Variants in JUP observed in about 807,000 individuals in gnomAD.
JUP encodes the protein junction plakoglobin.
JUP carries 28 observed loss-of-function variants against 71.1 expected under a neutral mutation model. The observed-to-expected ratio is 0.39, with a 90% CI of 0.29 to 0.54. The LOEUF (loss-of-function observed/expected upper bound fraction) is 0.54, where lower values mean the gene tolerates loss of function less well. JUP is among the 20% of genes least tolerant of loss of function. The pLI, the probability that JUP is intolerant of heterozygous loss-of-function variation, is 0.62. For missense variants in JUP, 869 were observed against 1,030.1 expected, an observed-to-expected ratio of 0.84 and a Z score of 2.14; for synonymous variants, 401 against 438.9, an observed-to-expected ratio of 0.91 and a Z score of 1.08.
intron 5 of JUP, among the ~76,000 whole-genome samples, 193 bp from the exon 6 acceptor site, chr17:41,765,260 T>G (rs1237556520): frequency 6.6e-6 from 1 of 152,146 alleles, no homozygotes; most frequent in Non-Finnish European, 1.5e-5. Context: ...GGTCTAGAAC[T>G]CCTGGCCTCA....
chr17:41,757,510 G>T lies in JUP; in HGVS notation c.1951C>A (p.Arg651Ser). Reference sequence around the variant, plus strand: ...TCTGGGTTCTTGTCCTCGGAGATGCGGAACAGGACGGCAGCAGCGTAGGTG... The same window carrying T: ...TCTGGGTTCTTGTCCTCGGAGATGCTGAACAGGACGGCAGCAGCGTAGGTG... ...TATYAAAVLF[R>S]ISEDKNPDYR... The change falls in exon 12 of 14, where the codon CGC becomes AGC. Residue 651 changes from arginine to serine, a missense_variant. Coordinates refer to ENST00000393931, the MANE Select transcript of JUP (RefSeq NM_002230.4). 1 of 1,614,170 alleles carries T rather than the reference G, an allele frequency of 6.2e-7. No individual in the cohort carries two copies. The highest frequency in any genetic ancestry group is 8.5e-7 in the Non-Finnish European group (1 of 1,180,022).
rs376060530 is a variant in JUP, at chr17:41,772,882, T to G, written c.-8-1020A>C. ...GGAGGTGAACTTCCCGCTTGGTCTGTGTTTGGCTCCACTGTCCTGGGAACT... is the reference window on the plus strand; with the variant it reads ...GGAGGTGAACTTCCCGCTTGGTCTGGGTTTGGCTCCACTGTCCTGGGAACT... On this transcript the variant is annotated intron_variant, in intron 1 of 13. Transcript: ENST00000393931. The G allele has an allele frequency of 1.0e-5, 10 of 985,358 alleles. No individual in the cohort carries two copies. The African/African-American group carries it at 1.4e-4, about 14-fold the overall frequency. The allele number at this position is 985,358 out of a possible 1,614,324, so 61.0% of individuals were successfully genotyped here. A position where few individuals can be genotyped will look rare whatever the true frequency, so the allele number is the denominator to read the frequency against.
intron 1 of JUP, among the ~76,000 whole-genome samples, chr17:41,782,514 C>T (rs1346398461): frequency 1.3e-5 from 2 of 152,146 alleles, no homozygotes; most frequent in South Asian, 2.1e-4. Context: ...CATGAACAAG[C>T]CCAGAACAGC....
intron 7 of JUP, among the ~76,000 whole-genome samples, 172 bp downstream of exon 7, chr17:41,764,541 A>AAAAG (rs1915388446): frequency 6.7e-6 from 1 of 149,462 alleles, no homozygotes; most frequent in East Asian, 1.9e-4. Context: ...TCAGAAAAAA[A>AAAAG]AAAAAAAAAA....
rs999968873 is a variant in JUP, at chr17:41,779,519, G to A, written c.-9+7069C>T. Among the ~76,000 whole-genome samples, 17 of 151,776 alleles carry A rather than the reference G, an allele frequency of 1.1e-4. No individual in the cohort carries two copies. The East Asian group carries it at 3.0e-3, about 27-fold the overall frequency. ...ATTCTTTGTATTTTTTAGTAGAGAC[G>A]GGGTTTCACCATGTTAGCCAGGATG... On this transcript the variant is annotated intron_variant, in intron 1 of 13. Transcript: ENST00000393931.
intron 2 of JUP, 78 bp downstream of exon 2, chr17:41,771,569 T>G: frequency 4.5e-6 from 6 of 1,338,158 alleles, no homozygotes; most frequent in Non-Finnish European, 6.4e-6. Context: ...CCCTACAATC[T>G]GCCTCCTTTC....
intron 1 of JUP, among the ~76,000 whole-genome samples, chr17:41,783,051 C>T (rs1463465590): frequency 1.3e-5 from 2 of 150,916 alleles, no homozygotes; most frequent in Non-Finnish European, 2.9e-5. Context: ...GAGCCGAGAT[C>T]GCGCCACTGC....
intron 8 of JUP, among the ~76,000 whole-genome samples, chr17:41,761,346 AG>A (rs1555601124): frequency 6.6e-6 from 1 of 152,164 alleles, no homozygotes; most frequent in African/African-American, 2.4e-5. Flanking sequence ...GGGTGTGAGC[AG>A]GAGTGATGTG....
intron 1 of JUP, among the ~76,000 whole-genome samples, chr17:41,782,570 CCT>C (rs202244601): frequency 0.015 from 2,326 of 152,182 alleles, 34 homozygotes; most frequent in Non-Finnish European, 0.02. Flanking sequence ...AGCTTTGACC[CCT>C]GCCTCCTCTT....
At chr17:41,780,636 AG>A (rs1555610031) in intron 1 of JUP, among the ~76,000 whole-genome samples, 2 of 151,986 alleles carry the variant, frequency 1.3e-5, no homozygotes, top group Non-Finnish European at 2.9e-5. Context: ...CAGAGGTTGC[AG>A]TGAGCCAAGA....
chr17:41,771,818 C>A lies in JUP; in HGVS notation c.37G>T (p.Val13Leu). ...VMNLMEQPIK[V>L]TEWQQTYTYD... Reference sequence around the variant, plus strand: ...GTGTATGTCTGCTGCCACTCAGTCACCTTGATAGGCTGCTCCATCAGGTTC... The same window carrying A: ...GTGTATGTCTGCTGCCACTCAGTCAACTTGATAGGCTGCTCCATCAGGTTC... Residue 13 changes from valine (V) to leucine (L), a missense_variant, in exon 2 of 14, where the codon GTG (valine) becomes TTG (leucine). By Grantham distance (32) the Val-to-Leu change is conservative. Coordinates refer to ENST00000393931, the MANE Select transcript of JUP (RefSeq NM_002230.4). 6.2e-7 allele frequency: 1 copy of A among 1,613,844 alleles called. No individual in the cohort carries two copies. The highest frequency in any genetic ancestry group is 2.2e-5 in the East Asian group (1 of 44,874).
chr17:41,758,838 C>T lies in JUP; in HGVS notation c.1530G>A (p.Leu510=). Reference sequence around the variant, plus strand: ...GCAGCGGGGCATGGTTGGCTGGGCACAGGGCCAGATTCCTGATCAAGCCGA... The same window carrying T: ...GCAGCGGGGCATGGTTGGCTGGGCATAGGGCCAGATTCCTGATCAAGCCGA... ...ATIGLIRNLA[L]CPANHAPLQE... The change falls in exon 9 of 14, where the codon CTG becomes CTA. Residue 510 remains leucine (L), a synonymous_variant. Transcript: ENST00000393931. The T allele has an allele frequency of 1.2e-6, 2 of 1,610,044 alleles. No homozygotes were observed. The highest frequency in any genetic ancestry group is 1.7e-6 in the Non-Finnish European group (2 of 1,177,388).
chr17:41,784,646 A>G (rs1392165986), intron 1 of JUP, among the ~76,000 whole-genome samples: 4 of 152,082 alleles, frequency 2.6e-5, no homozygotes, highest in Non-Finnish European at 4.4e-5. Flanking sequence ...CCCCGGCAGA[A>G]AAGGATCTGA....
intron 1 of JUP, 38 bp downstream of exon 1, chr17:41,786,550 C>T (rs909348964): frequency 1.5e-5 from 2 of 129,890 alleles, no homozygotes; most frequent in African/African-American, 5.9e-5. Flanking sequence ...CGCCACCCCT[C>T]TGTCCCCAAC....
At chr17:41,755,972 G>T in intron 13 of JUP, 77 bp from the exon 14 acceptor site, 1 of 1,536,270 alleles carries the variant, frequency 6.5e-7, no homozygotes, top group Non-Finnish European at 8.8e-7. Context: ...GCCTTCAGCT[G>T]CCTCCTCTAC....
rs376056678 is a variant in JUP at position 41,772,007 on chromosome 17, G to T, written c.-8-145C>A. 4 of 821,556 alleles carry T rather than the reference G, an allele frequency of 4.9e-6. No individual in the cohort carries two copies. The East Asian group carries it at 7.9e-5, about 16-fold the overall frequency. The allele number at this position is 821,556 out of a possible 1,614,324, so 50.9% of individuals were successfully genotyped here. On this transcript the variant is annotated intron_variant, in intron 1 of 13. Transcript: ENST00000393931. The stretch of plus-strand genomic sequence containing the variant: ...TGAGGATGCAGGCTGGGGATGGGGG[G>T]ACTGCCCAGAAGGGCACCAGGCCCA...
intron 1 of JUP, among the ~76,000 whole-genome samples, chr17:41,783,101 A>G (rs1054894383): frequency 6.6e-6 from 1 of 151,720 alleles, no homozygotes; most frequent in Admixed American, 6.6e-5. Flanking sequence ...CATCTCAAAA[A>G]AAAAAAAAAA....
chr17:41,758,594 G>A (rs1914268231), intron 9 of JUP, 76 bp from the exon 10 acceptor site: 3 of 1,581,162 alleles, frequency 1.9e-6, no homozygotes, highest in East Asian at 2.3e-5. Flanking sequence ...ACAGCCGAAT[G>A]AACTTCACAG....
chr17:41,762,258 GAGAT>G (rs1555601708), intron 8 of JUP, among the ~76,000 whole-genome samples: 24 of 148,968 alleles, frequency 1.6e-4, no homozygotes, highest in Admixed American at 5.4e-4. Flanking sequence ...TTTTTTGTAA[GAGAT>G]GGGTGTCTCA....
Sources: gnomAD v4.1 joint callset for allele counts (sites outside exome capture counted in the v4.1 genomes callset) on GRCh38, gnomAD v4.1.1 for gene constraint, MANE v1.5 for transcripts, NCBI Gene and HGNC (gene_info 2026-07-23, HGNC 2026-07-21) for gene names.